The following LARGE1 variants were observed in gnomAD, a reference collection of about 807,000 sequenced individuals.
LARGE1 encodes LARGE xylosyl- and glucuronyltransferase 1, also known as xylosyl- and glucuronyltransferase LARGE1.
Under a neutral mutation model 87.6 loss-of-function variants are expected in LARGE1, and 43 were observed. The ratio of observed to expected loss-of-function variants is 0.49; its 90% confidence interval spans 0.38 to 0.63. The LOEUF is 0.63. Among genes scored for constraint, LARGE1 ranks in the 30% least tolerant of loss-of-function variants. The pLI, the probability that LARGE1 is intolerant of heterozygous loss-of-function variation, is 0.00. For missense variants in LARGE1, 802 were observed against 1,000.2 expected (o/e 0.80, Z 2.67); for synonymous variants, 434 against 394.6 (o/e 1.10, Z -1.18).
intron 1 of LARGE1, among the ~76,000 whole-genome samples, chr22:33,868,638 G>C (rs151076556): frequency 3.9e-5 from 6 of 152,156 alleles, no homozygotes; most frequent in Admixed American, 2.6e-4. Flanking sequence ...CCCCTAACCA[G>C]GCAGATTCCT....
intron 2 of LARGE1, among the ~76,000 whole-genome samples, chr22:33,719,496 C>CTT (rs201620828): frequency 0.076 from 9,876 of 130,724 alleles, 409 homozygotes; most frequent in East Asian, 0.24. Context: ...CCATCTATAC[C>CTT]ATATTTATTT....
chr22:33,377,392 A>AAAC (rs1204187831), intron 9 of LARGE1, among the ~76,000 whole-genome samples: 10 of 152,226 alleles, frequency 6.6e-5, no homozygotes, highest in Non-Finnish European at 8.8e-5. Context: ...AAACAATTAT[A>AAAC]AAATCCTCTT....
At chr22:33,425,283 G>C (rs185998608) in intron 7 of LARGE1, among the ~76,000 whole-genome samples, 1 of 152,196 alleles carries the variant, frequency 6.6e-6, no homozygotes, top group East Asian at 1.9e-4. Flanking sequence ...AACAAAAAAA[G>C]AGGATATACA....
At chr22:33,888,477 A>G (rs1311039543) in intron 1 of LARGE1, among the ~76,000 whole-genome samples, 1 of 152,182 alleles carries the variant, frequency 6.6e-6, no homozygotes. Context: ...AATAAAGCTC[A>G]TGATAAAGAA....
At chr22:33,129,636 A>C in the LARGE1 span, among the ~76,000 whole-genome samples, 5 of 151,986 alleles carry the variant, frequency 3.3e-5, no homozygotes, top group Non-Finnish European at 5.9e-5. Flanking sequence ...GTAATTTATA[A>C]AGGAAAGAGG....
chr22:33,762,146 G>A (rs550034313), intron 1 of LARGE1, among the ~76,000 whole-genome samples: 2 of 150,430 alleles, frequency 1.3e-5, no homozygotes, highest in South Asian at 2.1e-4. Context: ...CCTGGGAGGC[G>A]GAGGTTGCAG....
chr22:33,890,953 G>T (rs566965661), intron 1 of LARGE1, among the ~76,000 whole-genome samples: 1 of 152,084 alleles, frequency 6.6e-6, no homozygotes, highest in Non-Finnish European at 1.5e-5. Context: ...CAACAGCTCA[G>T]AAAAACAAAC....
At chr22:33,858,906 C>G (rs1219755333) in intron 1 of LARGE1, among the ~76,000 whole-genome samples, 1 of 152,028 alleles carries the variant, frequency 6.6e-6, no homozygotes. Context: ...ATGGGTTAAG[C>G]TGGAAACCAT....
At chr22:33,315,602 T>A (rs1936066266) in intron 11 of LARGE1, among the ~76,000 whole-genome samples, 1 of 152,076 alleles carries the variant, frequency 6.6e-6, no homozygotes, top group South Asian at 2.1e-4. Context: ...GGTAGGGATG[T>A]GACACAGCTC....
chr22:33,826,895 C>T (rs1478233877), intron 1 of LARGE1, among the ~76,000 whole-genome samples: 1 of 152,020 alleles, frequency 6.6e-6, no homozygotes, highest in Non-Finnish European at 1.5e-5. Context: ...TGAGAGTCAA[C>T]ACCCATCTCA....
chr22:33,285,387 A>C (rs770592637), intron 12 of LARGE1, among the ~76,000 whole-genome samples: 8 of 152,110 alleles, frequency 5.3e-5, no homozygotes, highest in Non-Finnish European at 1.2e-4. Flanking sequence ...GCCCTTCGGG[A>C]GGCTTAGGCA....
At chr22:33,176,069 A>G (rs961338103) in intron 11 of LARGE1, among the ~76,000 whole-genome samples, 4 of 152,238 alleles carry the variant, frequency 2.6e-5, no homozygotes, top group Non-Finnish European at 4.4e-5. Flanking sequence ...TTCCCTATTT[A>G]ATAAATGATG....
intron 11 of LARGE1, among the ~76,000 whole-genome samples, chr22:33,170,004 G>T (rs1922477475): frequency 6.6e-6 from 1 of 152,154 alleles, no homozygotes; most frequent in African/African-American, 2.4e-5. Flanking sequence ...AAATGTATGT[G>T]TTGAAACCTA....
intron 7 of LARGE1, among the ~76,000 whole-genome samples, chr22:33,417,779 T>C (rs1238509584): frequency 1.3e-5 from 2 of 152,188 alleles, no homozygotes; most frequent in Non-Finnish European, 2.9e-5. Context: ...CCCCACGCCC[T>C]TTCTCAATCA....
intron 1 of LARGE1, among the ~76,000 whole-genome samples, chr22:33,908,703 A>C (rs34060203): frequency 0.098 from 14,971 of 152,124 alleles, 978 homozygotes; most frequent in Non-Finnish European, 0.14. Flanking sequence ...CATTCCTTAA[A>C]GATTAAAAAT....
chr22:33,139,006 T>C, the LARGE1 span, among the ~76,000 whole-genome samples: 6 of 152,150 alleles, frequency 3.9e-5, no homozygotes, highest in African/African-American at 1.4e-4. Flanking sequence ...TCACAAGATC[T>C]GATGGTTTCA....
chr22:33,650,141 C>T (rs1237699270), intron 3 of LARGE1, among the ~76,000 whole-genome samples: 2 of 152,184 alleles, frequency 1.3e-5, no homozygotes, highest in African/African-American at 2.4e-5. Context: ...CTGTAGATTA[C>T]GCCTTCTTAT....
intron 6 of LARGE1, among the ~76,000 whole-genome samples, chr22:33,541,747 T>TAAAA (rs35401796): frequency 4.4e-4 from 60 of 137,680 alleles, no homozygotes; most frequent in Admixed American, 2.4e-3. Context: ...TTCCAAAAAT[T>TAAAA]AAAAAAAAAA....
intron 7 of LARGE1, among the ~76,000 whole-genome samples, chr22:33,416,635 G>A (rs1028233096): frequency 1.3e-5 from 2 of 151,928 alleles, no homozygotes; most frequent in Non-Finnish European, 2.9e-5. Context: ...ACGGAGTCTC[G>A]CATTGTCGCC....
Sources: gnomAD v4.1 joint callset for allele counts (sites outside exome capture counted in the v4.1 genomes callset) on GRCh38, gnomAD v4.1.1 for gene constraint, MANE v1.5 for transcripts, NCBI Gene and HGNC (gene_info 2026-07-23, HGNC 2026-07-21) for gene names.